The following CHST9 variants were observed in gnomAD, a reference collection of about 807,000 sequenced individuals.
CHST9 encodes GalNAc-4-sulfotransferase 2.
Under a neutral mutation model 44.4 loss-of-function variants are expected in CHST9, and 41 were observed. The observed-to-expected ratio is 0.92, with a 90% CI of 0.72 to 1.20. CHST9 has a LOEUF of 1.20. Ranked by LOEUF, CHST9 falls within the 50% of genes most tolerant of loss-of-function variation. CHST9 has a pLI of 0.00. For missense variants in CHST9, 504 were observed against 516.5 expected, an observed-to-expected ratio of 0.98 and a Z score of 0.23; for synonymous variants, 171 against 178.4, an observed-to-expected ratio of 0.96 and a Z score of 0.33.
At chr18:27,002,185 G>C (rs2056961587) in intron 4 of CHST9, among the ~76,000 whole-genome samples, 1 of 151,734 alleles carries the variant, frequency 6.6e-6, no homozygotes, top group Non-Finnish European at 1.5e-5. Flanking sequence ...ACCCTGCAGT[G>C]CACAAACTGC....
chr18:26,996,669 G>A (rs1329525706), intron 4 of CHST9, among the ~76,000 whole-genome samples: 1 of 152,162 alleles, frequency 6.6e-6, no homozygotes, highest in Non-Finnish European at 1.5e-5. Context: ...TTTCAGACAG[G>A]CCTGAGGATA....
At chr18:27,170,025 G>A (rs1283830135) in intron 1 of CHST9, among the ~76,000 whole-genome samples, 1 of 152,206 alleles carries the variant, frequency 6.6e-6, no homozygotes, top group Non-Finnish European at 1.5e-5. Context: ...AGATTTGCTT[G>A]AGGCAGGTAC....
intron 2 of CHST9, among the ~76,000 whole-genome samples, chr18:27,063,693 A>G (rs1331669491): frequency 2.6e-5 from 4 of 152,128 alleles, no homozygotes; most frequent in Admixed American, 2.0e-4. Flanking sequence ...AATTATCTGA[A>G]CTGGCTGCTT....
At chr18:27,031,932 A>G (rs529060149) in intron 3 of CHST9, among the ~76,000 whole-genome samples, 5 of 152,300 alleles carry the variant, frequency 3.3e-5, no homozygotes, top group African/African-American at 1.2e-4. Flanking sequence ...CCCTTTATAT[A>G]TACATGAACT....
chr18:26,976,593 T>C (rs1235123204), intron 4 of CHST9, among the ~76,000 whole-genome samples: 1 of 152,110 alleles, frequency 6.6e-6, no homozygotes, highest in Non-Finnish European at 1.5e-5. Flanking sequence ...ACTCTGATCT[T>C]CAGCATTTTT....
chr18:27,006,374 T>C (rs1298941653), intron 4 of CHST9, among the ~76,000 whole-genome samples: 2 of 152,202 alleles, frequency 1.3e-5, no homozygotes, highest in African/African-American at 2.4e-5. Context: ...TCCAATGAAC[T>C]TGATACAAAT....
intron 3 of CHST9, among the ~76,000 whole-genome samples, chr18:27,042,763 T>TTC (rs951335611): frequency 5.3e-5 from 8 of 151,678 alleles, no homozygotes; most frequent in African/African-American, 1.7e-4. Context: ...GATTAAGCTC[T>TTC]TCTCTCTCTA....
intron 4 of CHST9, among the ~76,000 whole-genome samples, chr18:26,948,391 TA>T (rs944259448): frequency 3.2e-4 from 48 of 149,324 alleles, no homozygotes; most frequent in African/African-American, 7.8e-4. Context: ...AACTTAAAGT[TA>T]AAAAAAAAAT....
intron 1 of CHST9, among the ~76,000 whole-genome samples, chr18:27,164,930 A>G (rs1290064805): frequency 6.6e-6 from 1 of 152,236 alleles, no homozygotes; most frequent in Non-Finnish European, 1.5e-5. Flanking sequence ...ACATTTTCAG[A>G]CAAGTTCTCA....
At chr18:27,024,702 A>G (rs779431415) in intron 3 of CHST9, among the ~76,000 whole-genome samples, 11 of 152,364 alleles carry the variant, frequency 7.2e-5, no homozygotes, top group Non-Finnish European at 1.6e-4. Flanking sequence ...GAGTAAATGA[A>G]CAGAAAGCTA....
chr18:26,994,442 C>T (rs2056861247), intron 4 of CHST9, among the ~76,000 whole-genome samples: 1 of 152,048 alleles, frequency 6.6e-6, no homozygotes, highest in Admixed American at 6.6e-5. Context: ...GCGATTTTCT[C>T]AGTACCTTTT....
At chr18:27,043,763 T>C (rs1012009697) in intron 3 of CHST9, among the ~76,000 whole-genome samples, 6 of 152,098 alleles carry the variant, frequency 3.9e-5, no homozygotes, top group African/African-American at 1.4e-4. Flanking sequence ...AAAATGCAGA[T>C]GGATTCTGTA....
chr18:27,176,633 C>A (rs897683235), intron 1 of CHST9, among the ~76,000 whole-genome samples: 4 of 151,928 alleles, frequency 2.6e-5, no homozygotes, highest in African/African-American at 9.7e-5. Context: ...GCTGTATCTA[C>A]AAGTGGGCAA....
rs1343809541 is a variant in CHST9, at chr18:27,184,060, C to T, written c.-97+1076G>A. 5.9e-5 allele frequency among the ~76,000 whole-genome samples: 9 copies of T among 151,702 alleles called. No individual in the cohort carries two copies. The East Asian group carries it at 1.4e-3, about 23-fold the overall frequency. ...GATTAATGCAATTCTGAGGTTAAAGCGAAGAAAAATAAACATTGGTAATAC... is the reference window on the plus strand; with the variant it reads ...GATTAATGCAATTCTGAGGTTAAAGTGAAGAAAAATAAACATTGGTAATAC... On this transcript the variant is annotated intron_variant, in intron 1 of 5. Coordinates refer to ENST00000618847, the MANE Select transcript of CHST9 (RefSeq NM_031422.6).
intron 1 of CHST9, among the ~76,000 whole-genome samples, chr18:27,154,044 C>A (rs1218575620): frequency 1.3e-5 from 2 of 152,130 alleles, no homozygotes; most frequent in African/African-American, 2.4e-5. Context: ...TGACTGGACC[C>A]CAACTAGACC....
In CHST9 at chr18:27,156,030, G is replaced by C. The variant is rs138466762; in HGVS notation, c.-96-13125C>G. ...AGGAAACATATTATAAAAAACGTGT[G>C]ATTAAGAAACCGAGATAGGATATTA... is the stretch of plus-strand genomic sequence containing the variant. On this transcript the variant is annotated intron_variant, in intron 1 of 5. Transcript: ENST00000618847. Among the ~76,000 whole-genome samples, 63 of 152,040 alleles carry C rather than the reference G, an allele frequency of 4.1e-4. 1 individual carries two copies. The highest frequency in any genetic ancestry group is 1.5e-3 in the African/African-American group (61 of 41,508).
At chr18:27,023,901 T>C (rs899948478) in intron 4 of CHST9, among the ~76,000 whole-genome samples, 4 of 152,210 alleles carry the variant, frequency 2.6e-5, no homozygotes, top group African/African-American at 7.2e-5. Context: ...TGTAAATCCC[T>C]TGAGGACAAG....
At chr18:26,995,025 G>A (rs574421840) in intron 4 of CHST9, among the ~76,000 whole-genome samples, 16 of 152,174 alleles carry the variant, frequency 1.1e-4, no homozygotes, top group East Asian at 9.7e-4. Context: ...GGGGAAAGCC[G>A]GTGGACGTGT....
At chr18:27,089,965 C>T (rs1165202214) in intron 2 of CHST9, among the ~76,000 whole-genome samples, 2 of 152,100 alleles carry the variant, frequency 1.3e-5, no homozygotes, top group African/African-American at 2.4e-5. Context: ...TGCCCACCAC[C>T]ACGCCCGGCT....
Sources: gnomAD v4.1 joint callset for allele counts (sites outside exome capture counted in the v4.1 genomes callset) on GRCh38, gnomAD v4.1.1 for gene constraint, MANE v1.5 for transcripts, NCBI Gene and HGNC (gene_info 2026-07-23, HGNC 2026-07-21) for gene names.